MAST2: variants seen among roughly 807,000 people sequenced by gnomAD.
The protein encoded by MAST2 is microtubule-associated serine/threonine-protein kinase 2.
MAST2 carries 70 observed loss-of-function variants against 147.4 expected under a neutral mutation model. That is an observed-to-expected ratio of 0.47 (90% CI 0.39 to 0.58). MAST2 has a LOEUF of 0.58. Among genes scored for constraint, MAST2 ranks in the 20% least tolerant of loss-of-function variants. The pLI is 0.00. For missense variants in MAST2, 2,080 were observed against 2,302.3 expected, an observed-to-expected ratio of 0.90 and a Z score of 1.98; for synonymous variants, 869 against 896.8, an observed-to-expected ratio of 0.97 and a Z score of 0.55.
At chr1:46,034,029 T>C in intron 27 of MAST2, 44 bp from the exon 28 acceptor site, 2 of 1,607,046 alleles carry the variant, frequency 1.2e-6, no homozygotes, top group South Asian at 2.2e-5. Flanking sequence ...CAGTGTGTGC[T>C]GTGCTCACTG....
intron 5 of MAST2, among the ~76,000 whole-genome samples, chr1:45,972,851 G>T (rs562365980): frequency 6.6e-6 from 1 of 152,208 alleles, no homozygotes; most frequent in East Asian, 1.9e-4. Context: ...TCCTGTTCTA[G>T]TGGAATCATA....
At position 46,034,752 on chromosome 1, in the gene MAST2, G is replaced by A. The variant is rs1411726088; in HGVS notation, c.4083G>A (p.Arg1361=). 5.6e-6 allele frequency: 9 copies of A among 1,613,726 alleles called. No individual in the cohort carries two copies. Among genetic ancestry groups the A allele is most frequent in the Non-Finnish European group, 5.9e-6 (7 of 1,179,994 alleles). The change falls in exon 29 of 29, where the codon CGG becomes CGA. Residue 1361 remains arginine (R), a synonymous_variant. Transcript: ENST00000361297. ...SPPPPTASPQ[R]SPSPLSGHVA... is the part of the protein sequence containing the mutation. The stretch of plus-strand genomic sequence containing the variant: ...CACCCCCAACAGCTTCACCTCAGCG[G>A]TCCCCATCGCCCCTGTCTGGCCATG...
chr1:45,944,495 G>T (rs1337526037), intron 4 of MAST2, among the ~76,000 whole-genome samples: 1 of 151,916 alleles, frequency 6.6e-6, no homozygotes, highest in Non-Finnish European at 1.5e-5. Context: ...GCAACTTTTT[G>T]TTTTCCTGAG....
intron 18 of MAST2, 29 bp downstream of exon 18, chr1:46,028,962 G>T: frequency 6.5e-7 from 1 of 1,529,928 alleles, no homozygotes. Flanking sequence ...GCCCAGTGGG[G>T]AAACAGAGTC....
intron 17 of MAST2, among the ~76,000 whole-genome samples, 165 bp from the exon 18 acceptor site, chr1:46,028,603 G>T (rs188579839): frequency 1.3e-5 from 2 of 152,288 alleles, no homozygotes; most frequent in Non-Finnish European, 2.9e-5. Flanking sequence ...TGACAGTTCC[G>T]ACTCTTGTTC....
intron 3 of MAST2, among the ~76,000 whole-genome samples, chr1:45,872,164 G>A (rs1019690603): frequency 4.6e-5 from 7 of 152,180 alleles, no homozygotes; most frequent in Non-Finnish European, 7.4e-5. Context: ...TGCTGCTACT[G>A]CAGTAGGGAT....
At chr1:46,004,225 G>A (rs1361215597) in intron 7 of MAST2, among the ~76,000 whole-genome samples, 6 of 151,880 alleles carry the variant, frequency 4.0e-5, no homozygotes, top group African/African-American at 1.2e-4. Context: ...TTAGCTGGGC[G>A]TGGTGGTGGG....
At chr1:45,905,434 G>A (rs959387220) in intron 4 of MAST2, among the ~76,000 whole-genome samples, 1 of 152,032 alleles carries the variant, frequency 6.6e-6, no homozygotes, top group Non-Finnish European at 1.5e-5. Flanking sequence ...TGATCTGCCC[G>A]TCTTGGCCTC....
In MAST2 at chr1:45,803,877, G is replaced by C; in HGVS notation, c.-19G>C. 1 of 566,790 alleles carries C rather than the reference G, an allele frequency of 1.8e-6. No homozygotes were observed. Among genetic ancestry groups the C allele is most frequent in the Non-Finnish European group, 2.7e-6 (1 of 370,156 alleles). 35.1% of individuals were successfully genotyped at this position (566,790 alleles called of 1,614,324 possible). On this transcript the variant is annotated 5_prime_UTR_variant, in exon 1 of 29. Coordinates refer to ENST00000361297, the MANE Select transcript of MAST2 (RefSeq NM_015112.3). ...CGGGACAGTCGCGGCGCTGACGCCC[G>C]CGGGCCCCAGCTGCAGATATGAAGC...
At chr1:46,014,173 CT>C (rs200021234) in intron 10 of MAST2, among the ~76,000 whole-genome samples, 5,473 of 148,432 alleles carry the variant, frequency 0.037, 143 homozygotes, top group Non-Finnish European at 0.053. Context: ...ATGTATTTTT[CT>C]TTTTTTTATT....
chr1:45,919,628 G>A (rs1279517604), intron 4 of MAST2, among the ~76,000 whole-genome samples: 8 of 152,170 alleles, frequency 5.3e-5, no homozygotes, highest in Admixed American at 6.5e-5. Flanking sequence ...TCTTCTAGAC[G>A]TACTAGCGCT....
chr1:45,812,740 A>G (rs991353971), intron 1 of MAST2, among the ~76,000 whole-genome samples: 29 of 152,114 alleles, frequency 1.9e-4, no homozygotes, highest in Non-Finnish European at 3.7e-4. Flanking sequence ...CCTATTTTTA[A>G]TAGTCCGTGT....
At chr1:46,010,224 T>C (rs1645657229) in intron 9 of MAST2, among the ~76,000 whole-genome samples, 2 of 152,272 alleles carry the variant, frequency 1.3e-5, no homozygotes, top group East Asian at 3.9e-4. Context: ...GCCCATACAC[T>C]AAGTTTACAC....
At chr1:45,898,169 A>T (rs1649083898) in intron 4 of MAST2, among the ~76,000 whole-genome samples, 1 of 152,096 alleles carries the variant, frequency 6.6e-6, no homozygotes. Context: ...TAGTAGTTAT[A>T]CAAGTGCGCT....
At chr1:45,959,711 C>A (rs1250699222) in intron 5 of MAST2, among the ~76,000 whole-genome samples, 1 of 152,136 alleles carries the variant, frequency 6.6e-6, no homozygotes, top group East Asian at 1.9e-4. Context: ...TTGTACATAT[C>A]TTGGGGCCAG....
At chr1:45,866,378 G>A (rs186788672) in intron 3 of MAST2, among the ~76,000 whole-genome samples, 66 of 152,278 alleles carry the variant, frequency 4.3e-4, no homozygotes, top group Admixed American at 1.7e-3. Flanking sequence ...ATTTAGTACT[G>A]TACTCAGATG....
At chr1:45,866,356 T>C (rs951994825) in intron 3 of MAST2, among the ~76,000 whole-genome samples, 7 of 152,202 alleles carry the variant, frequency 4.6e-5, no homozygotes, top group Non-Finnish European at 8.8e-5. Context: ...GGGGTTATTT[T>C]GAGTAGTATT....
intron 3 of MAST2, among the ~76,000 whole-genome samples, chr1:45,878,621 A>C (rs1646707550): frequency 6.6e-6 from 1 of 152,176 alleles, no homozygotes; most frequent in Non-Finnish European, 1.5e-5. Context: ...GAATGTACAA[A>C]ACATTTATGA....
Position 45,829,530 on chromosome 1 carries a change from A to T in MAST2, c.417A>T (p.Arg139=). ...CAGGAGAAGCATCAAACCTGGTTCG[A>T]ATGAGAAACCAGTCCCTTGGACAGT... ...QSSGEASNLV[R]MRNQSLGQSA... The change falls in exon 3 of 29, where the codon CGA becomes CGT. Residue 139 remains arginine, a synonymous_variant. Transcript: ENST00000361297. 6.2e-7 allele frequency: 1 copy of T among 1,614,178 alleles called. No individual in the cohort carries two copies. Among genetic ancestry groups the T allele is most frequent in the Non-Finnish European group, 8.5e-7 (1 of 1,180,020 alleles).
Sources: gnomAD v4.1 joint callset for allele counts (sites outside exome capture counted in the v4.1 genomes callset) on GRCh38, gnomAD v4.1.1 for gene constraint, MANE v1.5 for transcripts, NCBI Gene and HGNC (gene_info 2026-07-23, HGNC 2026-07-21) for gene names.